The following MICU3 variants were observed in gnomAD, a reference collection of about 807,000 sequenced individuals.
MICU3 encodes calcium uptake protein 3, mitochondrial.
In MICU3, 62 loss-of-function variants were observed where a neutral mutation model predicts 66.5. The observed-to-expected ratio is 0.93, with a 90% CI of 0.76 to 1.15. The LOEUF (loss-of-function observed/expected upper bound fraction) is 1.15. Ranked by LOEUF, MICU3 falls within the 50% of genes most tolerant of loss-of-function variation. The pLI is 0.00. For synonymous variants in MICU3, 308 were observed against 240.7 expected (o/e 1.28, Z -2.59); for missense variants, 779 against 664.4 (o/e 1.17, Z -1.90).
At chr8:17,098,181 A>T (rs1266992257) in intron 8 of MICU3, among the ~76,000 whole-genome samples, 1 of 151,728 alleles carries the variant, frequency 6.6e-6, no homozygotes, top group Non-Finnish European at 1.5e-5. Flanking sequence ...ACGTTTCAGT[A>T]GAGGGGCAGA....
rs886125078 is a variant in MICU3 at position 17,090,571 on chromosome 8, C to T, written c.875C>T (p.Ser292Phe). The stretch of plus-strand genomic sequence containing the variant: ...CGTCTTCAACTTTATGGATACCATT[C>T]TCCTACTAATAGTGTATGTACAATA... ...MLRLQLYGYH[S>F]PTNSVLKTDA... is the part of the protein sequence containing the mutation. The change falls in exon 8 of 15, where the codon TCT (serine) becomes TTT (phenylalanine). Residue 292 changes from serine (S) to phenylalanine (F), a missense_variant. By Grantham distance (155) the Ser-to-Phe change is radical (BLOSUM62 -2). Transcript: ENST00000318063. 5.6e-6 allele frequency: 9 copies of T among 1,610,280 alleles called. No homozygotes were observed. In the African/African-American group the frequency reaches 1.2e-4, roughly 22 times the overall value.
At chr8:17,095,861 C>T (rs1339714500) in intron 8 of MICU3, among the ~76,000 whole-genome samples, 3 of 151,830 alleles carry the variant, frequency 2.0e-5, no homozygotes, top group Admixed American at 1.3e-4. Flanking sequence ...TGCTTTGGCT[C>T]AGCCAAAAAT....
chr8:17,094,287 C>T (rs1329506925), intron 8 of MICU3, among the ~76,000 whole-genome samples: 1 of 151,778 alleles, frequency 6.6e-6, no homozygotes, highest in African/African-American at 2.4e-5. Flanking sequence ...GTCTGTGATC[C>T]CATTACATTG....
chr8:17,132,294 C>T, the MICU3 span: 4 of 152,206 alleles, frequency 2.6e-5, no homozygotes, highest in African/African-American at 9.6e-5. Flanking sequence ...CAGTTGGTCA[C>T]AAGGCCCTAA....
In MICU3 at chr8:17,098,568, C is replaced by T; in HGVS notation, c.984+15C>T. The T allele has an allele frequency of 6.6e-7, 1 of 1,523,670 alleles. No homozygotes were observed. The highest frequency in any genetic ancestry group is 1.4e-5 in the African/African-American group (1 of 73,128). 94.4% of individuals were successfully genotyped at this position (1,523,670 alleles called of 1,614,324 possible). ...ACCTCGCAGAGGTATAATTAAACCT[C>T]AACAAGGTCCTTGTACTATTTGCCA... On this transcript the variant is annotated intron_variant, in intron 9 of 14. Coordinates refer to ENST00000318063, the MANE Select transcript of MICU3 (RefSeq NM_181723.3).
intron 8 of MICU3, among the ~76,000 whole-genome samples, chr8:17,096,165 T>C (rs17624958): frequency 0.15 from 22,352 of 151,872 alleles, 2,109 homozygotes; most frequent in East Asian, 0.38. Context: ...GTCTACTATT[T>C]ACATATCAAA....
At chr8:17,086,376 G>A (rs1035264211) in intron 6 of MICU3, among the ~76,000 whole-genome samples, 13 of 152,112 alleles carry the variant, frequency 8.5e-5, no homozygotes, top group African/African-American at 2.7e-4. Flanking sequence ...GGATTTATCA[G>A]TAGGCTTAAA....
At chr8:17,073,885 G>C (rs1322876137) in intron 3 of MICU3, among the ~76,000 whole-genome samples, 1 of 152,122 alleles carries the variant, frequency 6.6e-6, no homozygotes, top group Non-Finnish European at 1.5e-5. Flanking sequence ...ACAAGGTTGA[G>C]TAAAAGGGCA....
chr8:17,092,427 G>T (rs575919982), intron 8 of MICU3, among the ~76,000 whole-genome samples: 2 of 151,746 alleles, frequency 1.3e-5, no homozygotes, highest in East Asian at 3.9e-4. Context: ...GACTTAAATC[G>T]CAAATTTTAT....
At chr8:17,102,422 A>G (rs1801345157) in intron 9 of MICU3, 1 of 152,006 alleles carries the variant, frequency 6.6e-6, no homozygotes, top group African/African-American at 2.4e-5. Context: ...GACTACTAAT[A>G]AGAACATTTG....
At chr8:17,030,902 T>G (rs1247548201) in intron 1 of MICU3, among the ~76,000 whole-genome samples, 1 of 152,194 alleles carries the variant, frequency 6.6e-6, no homozygotes, top group Non-Finnish European at 1.5e-5. Context: ...TCTCTTCAAT[T>G]TTATAAAAAT....
At chr8:17,053,742 C>T (rs949002076) in intron 1 of MICU3, among the ~76,000 whole-genome samples, 8 of 152,050 alleles carry the variant, frequency 5.3e-5, no homozygotes, top group African/African-American at 1.9e-4. Flanking sequence ...AACGTAAATT[C>T]TCATAAATAG....
In MICU3 at chr8:17,090,573, C is replaced by G. The variant is rs1296318896; in HGVS notation, c.877C>G (p.Pro293Ala). 5 of 1,610,226 alleles carry G rather than the reference C, an allele frequency of 3.1e-6. No individual in the cohort carries two copies. In the Admixed American group the frequency reaches 5.0e-5, roughly 16 times the overall value. Residue 293 changes from proline (P) to alanine (A), a missense_variant, in exon 8 of 15, where the codon CCT (proline) becomes GCT (alanine). Transcript: ENST00000318063. ...LRLQLYGYHS[P>A]TNSVLKTDAE... ...TCTTCAACTTTATGGATACCATTCT[C>G]CTACTAATAGTGTATGTACAATACT...
intron 1 of MICU3, among the ~76,000 whole-genome samples, chr8:17,045,224 G>A (rs1814863530): frequency 6.6e-6 from 1 of 152,054 alleles, no homozygotes; most frequent in South Asian, 2.1e-4. Context: ...ACAGTTCCTG[G>A]CTCGTAACTA....
At chr8:17,104,959 C>T (rs1801611698) in intron 10 of MICU3, among the ~76,000 whole-genome samples, 1 of 30,444 alleles carries the variant, frequency 3.3e-5, no homozygotes, top group Non-Finnish European at 4.8e-5. Flanking sequence ...GGCGCCACTG[C>T]ACTCCAGCCT....
chr8:17,075,603 G>A (rs1820266644), intron 3 of MICU3, among the ~76,000 whole-genome samples: 2 of 152,104 alleles, frequency 1.3e-5, no homozygotes, highest in African/African-American at 4.8e-5. Flanking sequence ...AATTTTAGAG[G>A]TCCTTAAAGT....
rs950672851 is a variant in MICU3, at chr8:17,083,131, C to T, written c.694+1391C>T. On this transcript the variant is annotated intron_variant, in intron 5 of 14. Coordinates refer to ENST00000318063, the MANE Select transcript of MICU3 (RefSeq NM_181723.3). Reference sequence around the variant, plus strand: ...GGGTGAGTCAGGAGCTCTGGTTGGTCGGGTCAAAGATGAAATCATAGGGAG... The same window carrying T: ...GGGTGAGTCAGGAGCTCTGGTTGGTTGGGTCAAAGATGAAATCATAGGGAG... Among the ~76,000 whole-genome samples the T allele has an allele frequency of 5.3e-5, 8 of 151,878 alleles. No homozygotes were observed. In the South Asian group the frequency reaches 6.2e-4, roughly 12 times the overall value.
chr8:17,113,228 G>A (rs566346618), intron 11 of MICU3, among the ~76,000 whole-genome samples: 1 of 152,148 alleles, frequency 6.6e-6, no homozygotes, highest in African/African-American at 2.4e-5. Context: ...TCTCACCCTT[G>A]TATTAAGTAA....
chr8:17,031,980 G>A (rs1812156995), intron 1 of MICU3, among the ~76,000 whole-genome samples: 2 of 152,092 alleles, frequency 1.3e-5, no homozygotes, highest in Non-Finnish European at 2.9e-5. Flanking sequence ...CACTGTGTTC[G>A]TCTTTGTCAC....
Sources: gnomAD v4.1 joint callset for allele counts (sites outside exome capture counted in the v4.1 genomes callset) on GRCh38, gnomAD v4.1.1 for gene constraint, MANE v1.5 for transcripts, NCBI Gene and HGNC (gene_info 2026-07-23, HGNC 2026-07-21) for gene names.